Variants in LRRC53 observed in about 807,000 individuals in gnomAD.
The protein encoded by LRRC53 is leucine rich repeat containing 53.
In LRRC53, 25 loss-of-function variants were observed where a neutral mutation model predicts 13.6. The ratio of observed to expected loss-of-function variants is 1.83; its 90% confidence interval spans 1.34 to 2.56. The LOEUF (loss-of-function observed/expected upper bound fraction) is 2.56, where lower values mean the gene tolerates loss of function less well. LRRC53 is among the 30% of genes most tolerant of loss of function. LRRC53 has a pLI of 0.00. For missense variants in LRRC53, 527 were observed against 275.8 expected, an observed-to-expected ratio of 1.91 and a Z score of -6.45; for synonymous variants, 204 against 109.8, an observed-to-expected ratio of 1.86 and a Z score of -5.37.
the LRRC53 span, among the ~76,000 whole-genome samples, chr1:74,529,885 C>T: frequency 1.3e-5 from 2 of 152,126 alleles, no homozygotes; most frequent in Non-Finnish European, 2.9e-5. Flanking sequence ...AGGGCTTGTT[C>T]TTCATTTTCT....
At chr1:74,535,063 G>A in the LRRC53 span, among the ~76,000 whole-genome samples, 1 of 152,176 alleles carries the variant, frequency 6.6e-6, no homozygotes. Flanking sequence ...CTGGCCAAAT[G>A]TTGGACACGT....
At chr1:74,493,325 G>A (rs1669168468) in intron 1 of LRRC53, among the ~76,000 whole-genome samples, 1 of 152,176 alleles carries the variant, frequency 6.6e-6, no homozygotes, top group African/African-American at 2.4e-5. Context: ...ATACCACTGA[G>A]TTGCTAGTTT....
chr1:74,486,193 A>G (rs1301577085), intron 1 of LRRC53, among the ~76,000 whole-genome samples: 1 of 81,144 alleles, frequency 1.2e-5, no homozygotes, highest in Non-Finnish European at 3.0e-5. Flanking sequence ...CTCAGGCTAA[A>G]TGCTATAAAG....
At chr1:74,506,675 T>A (rs184069522) in intron 1 of LRRC53, among the ~76,000 whole-genome samples, 45 of 152,314 alleles carry the variant, frequency 3.0e-4, no homozygotes, top group Non-Finnish European at 5.6e-4. Context: ...ACCTGCCGAA[T>A]CTGCATTTTA....
chr1:74,520,941 A>G, the LRRC53 span, among the ~76,000 whole-genome samples: 1 of 152,030 alleles, frequency 6.6e-6, no homozygotes, highest in Non-Finnish European at 1.5e-5. Context: ...ATGGGAGCAG[A>G]GGTGAAGGGA....
At chr1:74,499,334 C>CA (rs1669491309) in intron 1 of LRRC53, among the ~76,000 whole-genome samples, 1 of 152,126 alleles carries the variant, frequency 6.6e-6, no homozygotes, top group Non-Finnish European at 1.5e-5. Context: ...TTTGTAGAAA[C>CA]AGAGTTTTAC....
Position 74,471,224 on chromosome 1 carries a change from G to A in LRRC53, c.2398C>T (p.Gln800Ter), listed in dbSNP as rs1667919057. 2.5e-6 allele frequency: 1 copy of A among 400,678 alleles called. No homozygotes were observed. Among genetic ancestry groups the A allele is most frequent in the Middle Eastern group, 3.1e-4 (1 of 3,222 alleles). The allele number at this position is 400,678 out of a possible 1,614,324, so 24.8% of individuals were successfully genotyped here. The change falls in exon 5 of 5, where the codon CAA (glutamine) becomes TAA (stop). Residue 800 changes from glutamine (Q) to a stop codon, truncating the protein, a stop_gained. Transcript: ENST00000294635. LOFTEE classifies it low-confidence loss of function (END_TRUNC). ...AGGGGGGCACGTTTAGTGTTTCGTT[G>A]ATAATATGGGGTCTGCTTTGAGTCA... The part of the protein sequence containing the change: ...KHDSKQTPYY[Q>*]RNTKRAPLLS...
chr1:74,530,030 T>C, the LRRC53 span, among the ~76,000 whole-genome samples: 2 of 152,172 alleles, frequency 1.3e-5, no homozygotes, highest in Non-Finnish European at 2.9e-5. Flanking sequence ...AGTGGTAGGA[T>C]CACAGCTCAC....
chr1:74,526,093 G>C, the LRRC53 span, among the ~76,000 whole-genome samples: 461 of 152,270 alleles, frequency 3.0e-3, 14 homozygotes, highest in East Asian at 0.064. Context: ...ACCTCCTTAG[G>C]GTATTTCAAA....
chr1:74,520,875 C>T, the LRRC53 span, among the ~76,000 whole-genome samples: 4 of 152,074 alleles, frequency 2.6e-5, no homozygotes, highest in African/African-American at 4.8e-5. Context: ...GGAGCTGGCT[C>T]ATCTTGGGGA....
At chr1:74,483,457 A>G in intron 1 of LRRC53, 82 bp from the exon 2 acceptor site, 1 of 625,070 alleles carries the variant, frequency 1.6e-6, no homozygotes, top group Non-Finnish European at 3.0e-6. Context: ...GTCATGAGGC[A>G]TTTTGGTAAT....
the LRRC53 span, among the ~76,000 whole-genome samples, chr1:74,527,766 C>G: frequency 2.0e-5 from 3 of 152,278 alleles, no homozygotes; most frequent in Non-Finnish European, 4.4e-5. Flanking sequence ...TATCTCTTCC[C>G]TTCCCTTCAT....
chr1:74,490,157 C>G (rs1311661154), intron 1 of LRRC53, among the ~76,000 whole-genome samples: 1 of 150,884 alleles, frequency 6.6e-6, no homozygotes, highest in African/African-American at 2.4e-5. Flanking sequence ...TGTCTCATGA[C>G]TCTTTGCTGG....
the LRRC53 span, among the ~76,000 whole-genome samples, chr1:74,526,741 C>T: frequency 6.6e-6 from 1 of 152,154 alleles, no homozygotes; most frequent in African/African-American, 2.4e-5. Context: ...ATCCTACATT[C>T]ACTGAGATAT....
the LRRC53 span, among the ~76,000 whole-genome samples, chr1:74,526,633 T>A: frequency 6.6e-6 from 1 of 152,232 alleles, no homozygotes; most frequent in Non-Finnish European, 1.5e-5. Flanking sequence ...TAAATAAATA[T>A]AAATTGGATA....
At chr1:74,530,397 GT>G in the LRRC53 span, among the ~76,000 whole-genome samples, 2 of 152,244 alleles carry the variant, frequency 1.3e-5, no homozygotes, top group Admixed American at 6.5e-5. Flanking sequence ...CTGAGCCTTG[GT>G]TTCCTCATAT....
the LRRC53 span, among the ~76,000 whole-genome samples, chr1:74,531,995 A>C: frequency 3.3e-5 from 5 of 152,206 alleles, no homozygotes; most frequent in East Asian, 9.6e-4. Context: ...GCTGCATAAA[A>C]ACTAATTGGA....
At chr1:74,500,572 C>T (rs1181988755) in intron 1 of LRRC53, among the ~76,000 whole-genome samples, 16 of 117,702 alleles carry the variant, frequency 1.4e-4, no homozygotes, top group Non-Finnish European at 2.3e-4. Flanking sequence ...CCACTGCACT[C>T]CAGCCTGGGC....
At chr1:74,514,678 C>T (rs929769650), upstream of LRRC53, among the ~76,000 whole-genome samples, 2 of 152,050 alleles carry the variant, frequency 1.3e-5, no homozygotes, top group Non-Finnish European at 1.5e-5. Context: ...TATCTAATCC[C>T]AAAGCCATGT....
Sources: gnomAD v4.1 joint callset for allele counts (sites outside exome capture counted in the v4.1 genomes callset) on GRCh38, gnomAD v4.1.1 for gene constraint, MANE v1.5 for transcripts, NCBI Gene and HGNC (gene_info 2026-07-23, HGNC 2026-07-21) for gene names.